The following SLCO6A1 variants were observed in gnomAD, a reference collection of about 807,000 sequenced individuals.
SLCO6A1 encodes solute carrier organic anion transporter family member 6A1, also known as cancer/testis antigen 48.
Under a neutral mutation model 72.7 loss-of-function variants are expected in SLCO6A1, and 65 were observed. The ratio of observed to expected loss-of-function variants is 0.89; its 90% CI spans 0.73 to 1.10. SLCO6A1 has a LOEUF of 1.10. SLCO6A1 is among the 50% of genes least tolerant of loss of function. The pLI is 0.00. For missense variants in SLCO6A1, 874 were observed against 872.6 expected, an observed-to-expected ratio of 1.00 and a Z score of -0.02; for synonymous variants, 314 against 298.2, an observed-to-expected ratio of 1.05 and a Z score of -0.55.
chr5:102,414,660 G>A (rs1448374156), intron 8 of SLCO6A1, among the ~76,000 whole-genome samples: 4 of 152,070 alleles, frequency 2.6e-5, no homozygotes, highest in Admixed American at 1.3e-4. Flanking sequence ...TTGGGAGGTC[G>A]GGGCAGGTGG....
At chr5:102,451,914 A>G (rs1750437676) in intron 6 of SLCO6A1, among the ~76,000 whole-genome samples, 1 of 152,192 alleles carries the variant, frequency 6.6e-6, no homozygotes, top group African/African-American at 2.4e-5. Context: ...ATGTTATTTA[A>G]ATAGGATTTA....
chr5:102,466,868 T>C (rs905069086), intron 4 of SLCO6A1, among the ~76,000 whole-genome samples: 1 of 152,122 alleles, frequency 6.6e-6, no homozygotes, highest in Non-Finnish European at 1.5e-5. Context: ...AATGGAGTTG[T>C]TTGTTTTTAT....
intron 1 of SLCO6A1, among the ~76,000 whole-genome samples, chr5:102,484,376 G>A (rs890601163): frequency 2.6e-5 from 4 of 152,172 alleles, no homozygotes; most frequent in African/African-American, 9.7e-5. Context: ...CTGGCTGGGT[G>A]CAGTGGCTCA....
chr5:102,441,645 C>A (rs1245599106), intron 6 of SLCO6A1, among the ~76,000 whole-genome samples: 2 of 152,012 alleles, frequency 1.3e-5, no homozygotes, highest in Non-Finnish European at 2.9e-5. Flanking sequence ...TAAGAAAAAA[C>A]TAACATACAT....
In SLCO6A1 at chr5:102,438,735, T is replaced by C. The variant is rs1041200057; in HGVS notation, c.1158A>G (p.Ile386Met). The change falls in exon 7 of 14, where the codon ATA (isoleucine) becomes ATG (methionine). Residue 386 changes from isoleucine to methionine, a missense_variant. Coordinates refer to ENST00000506729, the MANE Select transcript of SLCO6A1 (RefSeq NM_173488.5). ...LWILMKNPVL[I>M]CLALSKATEY... is the part of the protein sequence containing the mutation. ...CTGTAGCTTTTGACAGAGCTAGGCA[T>C]ATGAGCACTGGATTCTTCATCAGAA... 4 of 1,567,754 alleles carry C rather than the reference T, an allele frequency of 2.6e-6. No individual in the cohort carries two copies. The highest frequency in any genetic ancestry group is 2.5e-5 in the South Asian group (2 of 80,950).
Position 102,498,931 on chromosome 5 carries a change from G to T in SLCO6A1, c.-87C>A. The T allele has an allele frequency of 8.0e-7, 1 of 1,256,710 alleles. No homozygotes were observed. Among genetic ancestry groups the T allele is most frequent in the Non-Finnish European group, 1.1e-6 (1 of 910,930 alleles). 77.8% of individuals were successfully genotyped at this position (1,256,710 alleles called of 1,614,324 possible). On this transcript the variant is annotated 5_prime_UTR_variant, in exon 1 of 14. Coordinates refer to ENST00000506729, the MANE Select transcript of SLCO6A1 (RefSeq NM_173488.5). ...GGGCCAACCCAAAGGCCAGCCTGGC[G>T]AGGGCGTCGGAGGACTCGGTGGCCA...
intron 6 of SLCO6A1, among the ~76,000 whole-genome samples, chr5:102,455,027 T>TATATATATATATATATATATATAA (rs144619414): frequency 2.1e-5 from 3 of 141,830 alleles, no homozygotes; most frequent in African/African-American, 8.1e-5. Context: ...TATATATATA[T>TATATATATATATATATATATATAA]AAATTATGTT....
chr5:102,375,140 T>A (rs1745710849), intron 12 of SLCO6A1, among the ~76,000 whole-genome samples: 3 of 152,130 alleles, frequency 2.0e-5, no homozygotes. Context: ...GTGACAAAGT[T>A]GAAGACAGCA....
intron 7 of SLCO6A1, among the ~76,000 whole-genome samples, chr5:102,427,864 ATTTTTTTTTTTTTTTTTTT>A (rs1200200259): frequency 4.3e-4 from 33 of 76,242 alleles, no homozygotes; most frequent in Non-Finnish European, 7.7e-4. Context: ...ATATATATAT[ATTTTTTTTTTTTTTTTTTT>A]TTTTGAGACC....
intron 5 of SLCO6A1, among the ~76,000 whole-genome samples, chr5:102,458,715 G>C (rs1750871298): frequency 6.6e-6 from 1 of 152,124 alleles, no homozygotes; most frequent in East Asian, 1.9e-4. Context: ...TATCTGCCCA[G>C]TCCAATACTG....
chr5:102,479,541 A>G (rs1375188214), intron 2 of SLCO6A1, among the ~76,000 whole-genome samples: 1 of 152,062 alleles, frequency 6.6e-6, no homozygotes, highest in Non-Finnish European at 1.5e-5. Flanking sequence ...CCCAATTCCA[A>G]CAATCCTTAA....
intron 1 of SLCO6A1, among the ~76,000 whole-genome samples, chr5:102,492,504 C>T (rs965873142): frequency 1.2e-4 from 18 of 152,032 alleles, no homozygotes; most frequent in African/African-American, 3.1e-4. Flanking sequence ...ACTGAGGTAC[C>T]GGGTTCATCT....
At chr5:102,392,822 T>C (rs1284055230) in intron 10 of SLCO6A1, among the ~76,000 whole-genome samples, 1 of 152,080 alleles carries the variant, frequency 6.6e-6, no homozygotes, top group African/African-American at 2.4e-5. Context: ...ACTCTTTTTA[T>C]ATGGCCTCTA....
chr5:102,413,023 C>T lies in SLCO6A1; in HGVS notation c.1593G>A (p.Gly531=). The change falls in exon 9 of 14, where the codon GGG becomes GGA. Residue 531 remains glycine (G), a synonymous_variant. Coordinates refer to ENST00000506729, the MANE Select transcript of SLCO6A1 (RefSeq NM_173488.5). ...DIEYFSPCFA[G]CTYSKAQNQK... ...GGTTTTGTGCTTTAGAATATGTACA[C>T]CCTGCAAAGCAGGGAGAAAAATATT... 6.5e-7 allele frequency: 1 copy of T among 1,542,766 alleles called. No homozygotes were observed. The highest frequency in any genetic ancestry group is 8.7e-7 in the Non-Finnish European group (1 of 1,152,372).
chr5:102,483,494 C>G (rs1325892352), intron 1 of SLCO6A1, among the ~76,000 whole-genome samples: 2 of 152,128 alleles, frequency 1.3e-5, no homozygotes, highest in African/African-American at 4.8e-5. Flanking sequence ...AGAGAGTGTT[C>G]CATATACTCC....
Position 102,399,592 on chromosome 5 carries a change from C to T in SLCO6A1, c.1777G>A (p.Gly593Ser). 6.3e-7 allele frequency: 1 copy of T among 1,582,664 alleles called. No individual in the cohort carries two copies. The highest frequency in any genetic ancestry group is 2.2e-5 in the East Asian group (1 of 44,542). ...AAGACGATTGGTACACCAGAAAAACCAGAAAATATAAGTGTAGAAAAGATA... is the reference window on the plus strand; with the variant it reads ...AAGACGATTGGTACACCAGAAAAACTAGAAAATATAAGTGTAGAAAAGATA... ...AFIFSTLIFS[G>S]FSGVPIVLAM... Residue 593 changes from glycine to serine, a missense_variant, in exon 10 of 14, where the codon GGT (glycine) becomes AGT (serine). Gly to Ser is a moderately conservative substitution (Grantham distance 56, BLOSUM62 0). Transcript: ENST00000506729.
chr5:102,498,559 T>C lies in SLCO6A1; in HGVS notation c.286A>G (p.Ser96Gly). 6.2e-7 allele frequency: 1 copy of C among 1,614,264 alleles called. No individual in the cohort carries two copies. Among genetic ancestry groups the C allele is most frequent in the Non-Finnish European group, 8.5e-7 (1 of 1,180,036 alleles). ...TTATTGCAACACTCACAGCAGGTGCTGACTAAGCAGCCCAAACCACAGGGC... is the reference window on the plus strand; with the variant it reads ...TTATTGCAACACTCACAGCAGGTGCCGACTAAGCAGCCCAAACCACAGGGC... ...EQPCGLGCLVSTCCECCNNIR... is the reference protein window; with the variant it reads ...EQPCGLGCLVGTCCECCNNIR... Residue 96 changes from serine (S) to glycine (G), a missense_variant, in exon 1 of 14, where the codon AGC becomes GGC. Physicochemically the swap from Ser to Gly is moderately conservative, Grantham distance 56. Transcript: ENST00000506729.
chr5:102,405,387 A>G (rs1299735084), intron 9 of SLCO6A1, among the ~76,000 whole-genome samples: 1 of 151,782 alleles, frequency 6.6e-6, no homozygotes, highest in Admixed American at 6.6e-5. Context: ...ACACTAATGA[A>G]AAGCAAAATT....
At position 102,477,672 on chromosome 5, in the gene SLCO6A1, T is replaced by G; in HGVS notation, c.802+4A>C. On this transcript the variant is annotated splice_donor_region_variant and intron_variant, in intron 3 of 13. Transcript: ENST00000506729. ...TCAATCGTAATAGAGGGGGTAAAAC[T>G]TGCCTAAATAGATACCAGCTGAGTG... is the stretch of plus-strand genomic sequence containing the variant. 1 of 1,608,370 alleles carries G rather than the reference T, an allele frequency of 6.2e-7. No individual in the cohort carries two copies. The highest frequency in any genetic ancestry group is 1.1e-5 in the South Asian group (1 of 90,284).
Sources: gnomAD v4.1 joint callset for allele counts (sites outside exome capture counted in the v4.1 genomes callset) on GRCh38, gnomAD v4.1.1 for gene constraint, MANE v1.5 for transcripts, NCBI Gene and HGNC (gene_info 2026-07-23, HGNC 2026-07-21) for gene names.